Variants in ETS1 observed in about 807,000 individuals in gnomAD.
The protein encoded by ETS1 is ETS proto-oncogene 1, transcription factor, also known as protein C-ets-1.
In ETS1, 15 loss-of-function variants were observed where a neutral mutation model predicts 58.6. The ratio of observed to expected loss-of-function variants is 0.26; its 90% CI spans 0.17 to 0.39. ETS1 has a LOEUF of 0.39. ETS1 is among the 10% of genes least tolerant of loss of function. The pLI, the probability that ETS1 is intolerant of heterozygous loss-of-function variation, is 1.00. For missense variants in ETS1, 417 were observed against 610.5 expected, an observed-to-expected ratio of 0.68 and a Z score of 3.34; for synonymous variants, 214 against 218.2, an observed-to-expected ratio of 0.98 and a Z score of 0.17.
In ETS1 at chr11:128,480,243, G is replaced by T. The variant is rs1258423522; in HGVS notation, c.1071C>A (p.Asp357Glu). 6.2e-7 allele frequency: 1 copy of T among 1,613,936 alleles called. No homozygotes were observed. Among genetic ancestry groups the T allele is most frequent in the East Asian group, 2.2e-5 (1 of 44,856 alleles). Residue 357 changes from aspartate to glutamate, a missense_variant, in exon 8 of 10, where the codon GAC becomes GAA. Transcript: ENST00000392668. Reference protein sequence around the residue: ...TFKDYVRDRADLNKDKPVIPA... With the variant: ...TFKDYVRDRAELNKDKPVIPA... ...GAATGACAGGCTTGTCCTTATTGAG[G>T]TCAGCACGGTCCCGCACATAGTCCT... is the stretch of plus-strand genomic sequence containing the variant.
At chr11:128,519,057 A>C (rs1863597288) in intron 3 of ETS1, among the ~76,000 whole-genome samples, 2 of 152,186 alleles carry the variant, frequency 1.3e-5, no homozygotes, top group Admixed American at 6.5e-5. Context: ...GAGTGAACCC[A>C]ATGGCTATAT....
At chr11:128,585,328 G>GAAGA (rs1555093276) in intron 1 of ETS1, among the ~76,000 whole-genome samples, 3 of 137,168 alleles carry the variant, frequency 2.2e-5, no homozygotes, top group African/African-American at 8.4e-5. Context: ...AGGAAGGAAG[G>GAAGA]AAGCAAGGAA....
At chr11:128,494,482 T>C (rs1420173485) in intron 3 of ETS1, among the ~76,000 whole-genome samples, 1 of 152,216 alleles carries the variant, frequency 6.6e-6, no homozygotes, top group Non-Finnish European at 1.5e-5. Flanking sequence ...GCTAGTGGCA[T>C]TTTGAATGCA....
At chr11:128,479,015 C>G (rs1197431047) in intron 8 of ETS1, among the ~76,000 whole-genome samples, 1 of 152,210 alleles carries the variant, frequency 6.6e-6, no homozygotes, top group African/African-American at 2.4e-5. Flanking sequence ...GAGCACTACT[C>G]ATGCAATGAA....
At chr11:128,579,011 G>C in intron 1 of ETS1, among the ~76,000 whole-genome samples, 1 of 152,138 alleles carries the variant, frequency 6.6e-6, no homozygotes, top group South Asian at 2.1e-4. Context: ...AATACATATT[G>C]ACTAACTGCA....
At chr11:128,511,689 T>G (rs1411283388) in intron 3 of ETS1, among the ~76,000 whole-genome samples, 4 of 152,228 alleles carry the variant, frequency 2.6e-5, no homozygotes, top group East Asian at 3.8e-4. Flanking sequence ...GACACTTTGA[T>G]CTCAAGCTAA....
chr11:128,502,242 T>A (rs1863109816), intron 3 of ETS1, among the ~76,000 whole-genome samples: 1 of 152,186 alleles, frequency 6.6e-6, no homozygotes, highest in Admixed American at 6.6e-5. Flanking sequence ...AATGGGCTTC[T>A]TTTTTCTTCG....
intron 2 of ETS1, among the ~76,000 whole-genome samples, chr11:128,566,711 G>A (rs1433676582): frequency 1.3e-5 from 2 of 151,904 alleles, no homozygotes; most frequent in Non-Finnish European, 1.5e-5. Context: ...TGAATCTGGG[G>A]GGCAGAGCCT....
At chr11:128,507,599 G>C (rs907672371) in intron 3 of ETS1, among the ~76,000 whole-genome samples, 13 of 152,196 alleles carry the variant, frequency 8.5e-5, no homozygotes, top group African/African-American at 3.1e-4. Flanking sequence ...GCAAACCCCA[G>C]AGGTGCATGG....
intron 3 of ETS1, among the ~76,000 whole-genome samples, chr11:128,511,947 G>A (rs1211854535): frequency 6.6e-6 from 1 of 152,216 alleles, no homozygotes; most frequent in Non-Finnish European, 1.5e-5. Flanking sequence ...GAGCTCAAAT[G>A]TGGTGAAGTC....
chr11:128,468,069 C>T (rs924929399), intron 8 of ETS1, among the ~76,000 whole-genome samples: 2 of 152,162 alleles, frequency 1.3e-5, no homozygotes, highest in East Asian at 1.9e-4. Flanking sequence ...ATTTGAAGAA[C>T]GTGCTACAAG....
intron 3 of ETS1, among the ~76,000 whole-genome samples, chr11:128,494,160 T>G (rs542603464): frequency 6.6e-6 from 1 of 152,224 alleles, no homozygotes; most frequent in Non-Finnish European, 1.5e-5. Context: ...TTACAATATC[T>G]TAAATTCAAA....
intron 1 of ETS1, among the ~76,000 whole-genome samples, chr11:128,587,019 C>G (rs191765406): frequency 1.3e-5 from 2 of 152,206 alleles, no homozygotes; most frequent in Admixed American, 1.3e-4. Context: ...AAGATTCAAA[C>G]CTGTAGCAAT....
At chr11:128,474,614 C>T (rs1194310656) in intron 8 of ETS1, among the ~76,000 whole-genome samples, 4 of 152,144 alleles carry the variant, frequency 2.6e-5, no homozygotes, top group Non-Finnish European at 5.9e-5. Context: ...AATCACATAA[C>T]TGAGCAGCAT....
chr11:128,487,201 C>T (rs955740238), intron 5 of ETS1, among the ~76,000 whole-genome samples: 3 of 152,238 alleles, frequency 2.0e-5, no homozygotes, highest in Admixed American at 1.3e-4. Context: ...ACATCATGCT[C>T]ATCTCTTCAA....
chr11:128,516,450 A>G (rs1256731826), intron 3 of ETS1, among the ~76,000 whole-genome samples: 1 of 152,138 alleles, frequency 6.6e-6, no homozygotes, highest in Non-Finnish European at 1.5e-5. Flanking sequence ...GAGCAGCTAA[A>G]TAAAAACACG....
chr11:128,472,629 G>C (rs1862216526), intron 8 of ETS1, among the ~76,000 whole-genome samples: 1 of 152,128 alleles, frequency 6.6e-6, no homozygotes, highest in Non-Finnish European at 1.5e-5. Flanking sequence ...CCTCATCCTG[G>C]GGACTGCTCC....
chr11:128,473,515 C>T (rs1862241532), intron 8 of ETS1, among the ~76,000 whole-genome samples: 1 of 152,244 alleles, frequency 6.6e-6, no homozygotes, highest in Non-Finnish European at 1.5e-5. Context: ...GGTTACACAG[C>T]TGCTCACTGG....
At chr11:128,537,703 CT>C (rs201783172) in intron 3 of ETS1, among the ~76,000 whole-genome samples, 3 of 151,326 alleles carry the variant, frequency 2.0e-5, no homozygotes, top group African/African-American at 7.3e-5. Context: ...TCTAATTGTG[CT>C]TTTTTTTTAC....
Sources: allele counts gnomAD v4.1 joint callset (sites outside exome capture counted in the v4.1 genomes callset), GRCh38; gene constraint gnomAD v4.1.1; transcripts MANE v1.5; gene names NCBI Gene and HGNC (gene_info 2026-07-23, HGNC 2026-07-21).